NRCAM: variants seen among roughly 807,000 people sequenced by gnomAD.
NRCAM encodes the protein NgCAM-related cell adhesion molecule.
A neutral mutation model predicts 156.5 loss-of-function variants in NRCAM; 83 were observed. The ratio of observed to expected loss-of-function variants is 0.53; its 90% CI spans 0.44 to 0.64. NRCAM has a LOEUF of 0.64. NRCAM is among the 30% of genes least tolerant of loss of function. The pLI, the probability that NRCAM is intolerant of heterozygous loss-of-function variation, is 0.00. For missense variants in NRCAM, 1,417 were observed against 1,597.3 expected, an observed-to-expected ratio of 0.89 and a Z score of 1.92; for synonymous variants, 538 against 563.9, an observed-to-expected ratio of 0.95 and a Z score of 0.65.
In NRCAM at chr7:108,434,541, TACACACACAC is replaced by T. The variant is rs141756969; in HGVS notation, c.-332+21692_-332+21701del. On this transcript the variant is annotated intron_variant, in intron 1 of 32. Transcript: ENST00000379028. ...CTACATACCCATGGCCAATGGAATG[TACACACACAC>T]ACACACACACACACACACACACACA... Among the ~76,000 whole-genome samples, 633 of 141,238 alleles carry T rather than the reference TACACACACAC, an allele frequency of 4.5e-3. 7 individuals are homozygous for T. Among genetic ancestry groups the T allele is most frequent in the African/African-American group, 0.015 (556 of 37,906 alleles). 92.7% of individuals were successfully genotyped at this position (141,238 alleles called of 152,430 possible).
At chr7:108,183,198 G>A (rs1025232789) in intron 22 of NRCAM, among the ~76,000 whole-genome samples, 25 of 152,278 alleles carry the variant, frequency 1.6e-4, no homozygotes, top group African/African-American at 6.0e-4. Context: ...CGTCAAGGAT[G>A]GTGATTCTTT....
chr7:108,166,818 G>A, intron 30 of NRCAM, 103 bp downstream of exon 30: 1 of 1,021,352 alleles, frequency 9.8e-7, no homozygotes, highest in Non-Finnish European at 1.4e-6. Flanking sequence ...AGACATTCAT[G>A]CCCTACCCAT....
At chr7:108,176,376 A>AT in intron 27 of NRCAM, 54 bp downstream of exon 27, 1 of 1,514,242 alleles carries the variant, frequency 6.6e-7, no homozygotes, top group South Asian at 1.2e-5. Context: ...AAACTTAAAG[A>AT]TTTTTATTTC....
At chr7:108,339,737 G>A (rs1020931597) in intron 2 of NRCAM, among the ~76,000 whole-genome samples, 4 of 152,162 alleles carry the variant, frequency 2.6e-5, no homozygotes, top group Non-Finnish European at 5.9e-5. Context: ...CATAGAGGAC[G>A]CTCTACGACT....
intron 1 of NRCAM, among the ~76,000 whole-genome samples, chr7:108,401,264 G>A (rs1247325519): frequency 6.6e-6 from 1 of 151,350 alleles, no homozygotes; most frequent in African/African-American, 2.4e-5. Context: ...TAGCAGGCAG[G>A]GCACAGTGGC....
At chr7:108,378,823 T>C (rs1032781793) in intron 2 of NRCAM, among the ~76,000 whole-genome samples, 2 of 147,458 alleles carry the variant, frequency 1.4e-5, no homozygotes, top group Admixed American at 6.8e-5. Flanking sequence ...GAAGAAAGAA[T>C]AGAAAATGGA....
chr7:108,349,294 A>C (rs2099393932), intron 2 of NRCAM, among the ~76,000 whole-genome samples: 1 of 148,598 alleles, frequency 6.7e-6, no homozygotes, highest in Admixed American at 6.7e-5. Context: ...TTTGAGACGG[A>C]GTCTCACTTT....
intron 3 of NRCAM, among the ~76,000 whole-genome samples, chr7:108,301,971 A>G (rs1049351322): frequency 6.6e-6 from 1 of 151,964 alleles, no homozygotes; most frequent in African/African-American, 2.4e-5. Context: ...AATTATTAAG[A>G]TGAAAATGTT....
chr7:108,408,380 C>G (rs552260502), intron 1 of NRCAM, among the ~76,000 whole-genome samples: 3 of 152,290 alleles, frequency 2.0e-5, no homozygotes, highest in African/African-American at 7.2e-5. Flanking sequence ...CCTGTTGTGG[C>G]CCTATTTGGT....
intron 3 of NRCAM, among the ~76,000 whole-genome samples, chr7:108,309,410 T>C (rs1179033460): frequency 6.6e-6 from 1 of 152,226 alleles, no homozygotes; most frequent in Non-Finnish European, 1.5e-5. Flanking sequence ...CCAGAGTAAC[T>C]GCTTTATTCA....
In NRCAM at chr7:108,342,910, C is replaced by T. The variant is rs73420209; in HGVS notation, c.-173-30179G>A. ...TTTACTTAAATATCAGGCTCTACTG[C>T]TTGAAGGACCAGTGCTGCGACTGTG... On this transcript the variant is annotated intron_variant, in intron 2 of 32. Coordinates refer to ENST00000379028, the MANE Select transcript of NRCAM (RefSeq NM_001037132.4). Among the ~76,000 whole-genome samples the T allele has an allele frequency of 2.4e-3, 363 of 152,340 alleles. 1 individual carries two copies. Among genetic ancestry groups the T allele is most frequent in the African/African-American group, 8.6e-3 (358 of 41,568 alleles).
chr7:108,238,442 T>G (rs1395001562), intron 4 of NRCAM, among the ~76,000 whole-genome samples: 3 of 152,156 alleles, frequency 2.0e-5, no homozygotes, highest in Non-Finnish European at 2.9e-5. Context: ...TACATTAGCA[T>G]GCAATTCAAA....
At chr7:108,370,496 AT>A (rs1313098870) in intron 2 of NRCAM, among the ~76,000 whole-genome samples, 1 of 152,170 alleles carries the variant, frequency 6.6e-6, no homozygotes, top group Non-Finnish European at 1.5e-5. Context: ...AAGGAGAGTG[AT>A]TAAATAAATA....
At chr7:108,403,987 C>T (rs1478661381) in intron 1 of NRCAM, among the ~76,000 whole-genome samples, 3 of 152,134 alleles carry the variant, frequency 2.0e-5, no homozygotes, top group Non-Finnish European at 4.4e-5. Flanking sequence ...TTAAGTTCTC[C>T]TGGCTGCTTT....
intron 1 of NRCAM, among the ~76,000 whole-genome samples, chr7:108,414,849 G>A (rs1055754860): frequency 1.3e-5 from 2 of 152,148 alleles, no homozygotes; most frequent in Non-Finnish European, 2.9e-5. Flanking sequence ...GGTGAAGCCA[G>A]CACAACCACA....
intron 30 of NRCAM, among the ~76,000 whole-genome samples, chr7:108,166,398 C>A (rs1402873876): frequency 2.0e-5 from 3 of 152,086 alleles, no homozygotes; most frequent in Admixed American, 6.5e-5. Context: ...CAGGCGCCCA[C>A]CACCATGCCC....
chr7:108,429,126 C>A (rs1296219375), intron 1 of NRCAM, among the ~76,000 whole-genome samples: 5 of 152,038 alleles, frequency 3.3e-5, no homozygotes, highest in Non-Finnish European at 7.4e-5. Flanking sequence ...ATTTAAATTG[C>A]AAAACAATAC....
chr7:108,240,735 C>G lies in NRCAM; in HGVS notation c.-106-565G>C, dbSNP rs1018718814. ...CCTGTAGTCACCCTCCTTCACAGTG[C>G]TGATTAATTTTTTCTACAAGGCCTT... On this transcript the variant is annotated intron_variant, in intron 3 of 32. Transcript: ENST00000379028. 3.3e-5 allele frequency among the ~76,000 whole-genome samples: 5 copies of G among 152,210 alleles called. No individual in the cohort carries two copies. The South Asian group carries it at 8.3e-4, about 25-fold the overall frequency.
rs115647608 is a variant in NRCAM at position 108,220,510 on chromosome 7, G to A, written c.890+3215C>T. 5.2e-3 allele frequency among the ~76,000 whole-genome samples: 788 copies of A among 152,248 alleles called. 8 individuals carry two copies. Among genetic ancestry groups the A allele is most frequent in the African/African-American group, 0.018 (756 of 41,558 alleles). On this transcript the variant is annotated intron_variant, in intron 11 of 32. Coordinates refer to ENST00000379028, the MANE Select transcript of NRCAM (RefSeq NM_001037132.4). ...GGTATAAAAATACGCACAAAGACCAGTGGAACAGAATAGAGAACCCAGAGA... is the reference window on the plus strand; with the variant it reads ...GGTATAAAAATACGCACAAAGACCAATGGAACAGAATAGAGAACCCAGAGA...
Sources: allele counts gnomAD v4.1 joint callset (sites outside exome capture counted in the v4.1 genomes callset), GRCh38; gene constraint gnomAD v4.1.1; transcripts MANE v1.5; gene names NCBI Gene and HGNC (gene_info 2026-07-23, HGNC 2026-07-21).